MYMX: variants seen among roughly 807,000 people sequenced by gnomAD.
MYMX encodes the protein myomixer, myoblast fusion factor, also known as protein myomixer.
At chr6:44,214,626 G>T (rs1775761830), upstream of MYMX, among the ~76,000 whole-genome samples, 1 of 152,216 alleles carries the variant, frequency 6.6e-6, no homozygotes, top group South Asian at 2.1e-4. Context: ...AGACTAGAGT[G>T]CAGTGGCATG....
At position 44,218,225 on chromosome 6, in the gene MYMX, T is replaced by C. The variant is rs536607001; in HGVS notation, c.*499T>C. On this transcript the variant is annotated 3_prime_UTR_variant, in exon 2 of 2. Coordinates refer to ENST00000573382, the MANE Select transcript of MYMX (RefSeq NM_001315494.2). The stretch of plus-strand genomic sequence containing the variant: ...AGCAAGTGCTCAATAAATATTTGAT[T>C]TGAATTCTTTCCATGGCTTTGAAAG... The C allele has an allele frequency of 2.0e-5, 3 of 153,372 alleles. No homozygotes were observed. Among genetic ancestry groups the C allele is most frequent in the East Asian group, 3.8e-4 (2 of 5,202 alleles). 9.5% of individuals were successfully genotyped at this position (153,372 alleles called of 1,614,324 possible).
the MYMX span, among the ~76,000 whole-genome samples, chr6:44,197,953 A>C: frequency 6.6e-6 from 1 of 152,002 alleles, no homozygotes; most frequent in African/African-American, 2.4e-5. Flanking sequence ...TGGACTGCAA[A>C]TATCTCCTTC....
chr6:44,195,997 C>T, the MYMX span, among the ~76,000 whole-genome samples: 2 of 152,054 alleles, frequency 1.3e-5, no homozygotes, highest in Non-Finnish European at 2.9e-5. Context: ...GCCGGGAGTG[C>T]AGTGGCATGA....
At chr6:44,211,788 T>TTGTGTGTTTGTGTGTG in the MYMX span, among the ~76,000 whole-genome samples, 15 of 126,428 alleles carry the variant, frequency 1.2e-4, no homozygotes, top group African/African-American at 4.7e-4. Flanking sequence ...CAGCTAGGTT[T>TTGTGTGTTTGTGTGTG]TGTGTGTGTG....
chr6:44,210,298 C>T, the MYMX span, among the ~76,000 whole-genome samples: 2 of 123,778 alleles, frequency 1.6e-5, no homozygotes, highest in African/African-American at 5.9e-5. Context: ...GTTTTGTTTT[C>T]GTCATTTTGG....
chr6:44,202,511 G>A, the MYMX span, among the ~76,000 whole-genome samples: 1 of 151,942 alleles, frequency 6.6e-6, no homozygotes, highest in Non-Finnish European at 1.5e-5. Flanking sequence ...ATGGGAGGCA[G>A]AGGTCAGGGA....
chr6:44,206,270 C>T, the MYMX span, among the ~76,000 whole-genome samples: 209 of 152,154 alleles, frequency 1.4e-3, 2 homozygotes, highest in South Asian at 0.026. Context: ...CTCACTCTGT[C>T]GCCCAGGCTA....
the MYMX span, among the ~76,000 whole-genome samples, chr6:44,207,534 G>A: frequency 6.6e-6 from 1 of 151,692 alleles, no homozygotes; most frequent in Non-Finnish European, 1.5e-5. Context: ...TGTACCCACA[G>A]GAAAGATTTT....
chr6:44,211,456 T>C, the MYMX span, among the ~76,000 whole-genome samples: 1 of 151,818 alleles, frequency 6.6e-6, no homozygotes, highest in African/African-American at 2.4e-5. Flanking sequence ...AAGAAGGAAA[T>C]GGGGAGGTGC....
At chr6:44,214,003 G>C (rs1236174290), upstream of MYMX, among the ~76,000 whole-genome samples, 1 of 151,964 alleles carries the variant, frequency 6.6e-6, no homozygotes, top group East Asian at 1.9e-4. Context: ...TTTTTTTGTA[G>C]AGACAGAGTC....
At chr6:44,216,318 C>T (rs113154007), upstream of MYMX, among the ~76,000 whole-genome samples, 6,054 of 152,288 alleles carry the variant, frequency 0.04, 400 homozygotes, top group African/African-American at 0.14. Flanking sequence ...AGGACTGGAG[C>T]CCAGAAGAGT....
the MYMX span, among the ~76,000 whole-genome samples, chr6:44,211,018 G>T: frequency 3.3e-5 from 5 of 152,188 alleles, no homozygotes; most frequent in African/African-American, 1.2e-4. Flanking sequence ...ATGAGGTCAA[G>T]GTGGGAGGAT....
At chr6:44,209,684 C>T in the MYMX span, 3 of 152,006 alleles carry the variant, frequency 2.0e-5, no homozygotes, top group Non-Finnish European at 4.4e-5. Context: ...GAGGCCAAGG[C>T]AGGGGGATCA....
chr6:44,195,365 A>G, the MYMX span, among the ~76,000 whole-genome samples: 1 of 152,132 alleles, frequency 6.6e-6, no homozygotes, highest in East Asian at 1.9e-4. Context: ...AAACAGCTAT[A>G]GTCTCCTCCT....
At chr6:44,196,493 A>G in the MYMX span, among the ~76,000 whole-genome samples, 1 of 151,994 alleles carries the variant, frequency 6.6e-6, no homozygotes, top group African/African-American at 2.4e-5. Flanking sequence ...AGCCTGGCCA[A>G]CAGGGTGAAA....
chr6:44,197,440 G>A, the MYMX span, among the ~76,000 whole-genome samples: 1 of 152,208 alleles, frequency 6.6e-6, no homozygotes, highest in Admixed American at 6.5e-5. Context: ...GGCTGAGGCA[G>A]AAGAGTCGCT....
the MYMX span, among the ~76,000 whole-genome samples, chr6:44,196,171 G>C: frequency 2.6e-5 from 4 of 152,114 alleles, no homozygotes; most frequent in Non-Finnish European, 4.4e-5. Context: ...TCAAACTCCT[G>C]CCTCGGCCTC....
At chr6:44,211,788 TTGTGTGTGTG>T in the MYMX span, among the ~76,000 whole-genome samples, 55 of 126,430 alleles carry the variant, frequency 4.4e-4, no homozygotes, top group African/African-American at 1.3e-3. Flanking sequence ...CAGCTAGGTT[TTGTGTGTGTG>T]TGTGTGTGTG....
the MYMX span, among the ~76,000 whole-genome samples, chr6:44,201,613 TA>T: frequency 1.3e-5 from 2 of 152,154 alleles, no homozygotes; most frequent in Non-Finnish European, 2.9e-5. Flanking sequence ...GCCTCTGATC[TA>T]AGTGCTGCCC....
Sources: allele counts gnomAD v4.1 joint callset (sites outside exome capture counted in the v4.1 genomes callset), GRCh38; gene constraint gnomAD v4.1.1; transcripts MANE v1.5; gene names NCBI Gene and HGNC (gene_info 2026-07-23, HGNC 2026-07-21).